Variants in NSD2 observed in about 807,000 individuals in gnomAD.
NSD2 encodes nuclear receptor binding SET domain protein 2, also known as histone-lysine N-methyltransferase NSD2.
A neutral mutation model predicts 139.0 loss-of-function variants in NSD2; 12 were observed. That is an observed-to-expected ratio of 0.09 (90% confidence interval 0.06 to 0.14). The LOEUF is 0.14. NSD2 is among the 10% of genes least tolerant of loss of function. The probability of loss-of-function intolerance (pLI) is 1.00; values close to 1 mark genes in which losing one functional copy is unlikely to be tolerated. For synonymous variants in NSD2, 669 were observed against 648.7 expected (o/e 1.03, Z -0.48); for missense variants, 1,155 against 1,745.0 (o/e 0.66, Z 6.02).
At chr4:1,930,264 G>A (rs1446458618) in intron 5 of NSD2, among the ~76,000 whole-genome samples, 1 of 152,230 alleles carries the variant, frequency 6.6e-6, no homozygotes, top group African/African-American at 2.4e-5. Flanking sequence ...TTCAGGGGCA[G>A]CGTTCCTGTG....
At chr4:1,928,697 C>G (rs1721254056) in intron 5 of NSD2, among the ~76,000 whole-genome samples, 1 of 151,854 alleles carries the variant, frequency 6.6e-6, no homozygotes, top group African/African-American at 2.4e-5. Context: ...AGCATTCATC[C>G]TAACTGGGGG....
intron 16 of NSD2, 96 bp from the exon 17 acceptor site, chr4:1,959,375 A>G: frequency 6.8e-7 from 1 of 1,472,490 alleles, no homozygotes; most frequent in Non-Finnish European, 9.3e-7. Flanking sequence ...CTAAAAGGCC[A>G]CCTGGAGGCT....
chr4:1,936,876 G>A (rs936934396), intron 7 of NSD2, among the ~76,000 whole-genome samples: 13 of 152,268 alleles, frequency 8.5e-5, no homozygotes, highest in East Asian at 1.9e-4. Context: ...GTAGTTGAGA[G>A]GAGCAGGCAG....
Position 1,961,124 on chromosome 4 carries a change from C to T in NSD2, c.3345C>T (p.Thr1115=), listed in dbSNP as rs1329357890. Residue 1115 remains threonine, a synonymous_variant, in exon 18 of 22, where the codon ACC becomes ACT. Transcript: ENST00000508803. ...RIKHAHENDI[T]HFYMLTIDKD... is the part of the protein sequence containing the mutation. ...AGCACGCACACGAGAACGACATCACCCACTTCTACATGCTCACTATAGACA... is the reference window on the plus strand; with the variant it reads ...AGCACGCACACGAGAACGACATCACTCACTTCTACATGCTCACTATAGACA... 6.2e-7 allele frequency: 1 copy of T among 1,613,342 alleles called. No individual in the cohort carries two copies. Among genetic ancestry groups the T allele is most frequent in the Admixed American group, 1.7e-5 (1 of 60,014 alleles).
At chr4:1,920,654 G>A (rs1719998149) in intron 5 of NSD2, among the ~76,000 whole-genome samples, 2 of 152,088 alleles carry the variant, frequency 1.3e-5, no homozygotes, top group South Asian at 4.2e-4. Flanking sequence ...AGGATTGCTT[G>A]AGCCCAGGAG....
Position 1,918,211 on chromosome 4 carries a change from C to G in NSD2, c.998C>G (p.Ala333Gly). 6.2e-7 allele frequency: 1 copy of G among 1,613,282 alleles called. No individual in the cohort carries two copies. Among genetic ancestry groups the G allele is most frequent in the Non-Finnish European group, 8.5e-7 (1 of 1,179,940 alleles). Reference sequence around the variant, plus strand: ...GGCATTGTTCAAGCAGAAGAAGCTGCAAGCATGTCAGTGGAGGAGCGGAAA... The same window carrying G: ...GGCATTGTTCAAGCAGAAGAAGCTGGAAGCATGTCAGTGGAGGAGCGGAAA... ...EMGIVQAEEA[A>G]SMSVEERKAK... Residue 333 changes from alanine to glycine, a missense_variant, in exon 5 of 22, where the codon GCA becomes GGA. Physicochemically the swap from Ala to Gly is moderately conservative, Grantham distance 60. Transcript: ENST00000508803.
chr4:1,959,778 T>C (rs776052213), intron 17 of NSD2, 38 bp downstream of exon 17: 3 of 1,599,328 alleles, frequency 1.9e-6, no homozygotes, highest in Non-Finnish European at 2.6e-6. Context: ...TTTGAGAAAT[T>C]ACGGTTCACT....
At chr4:1,941,015 G>A in intron 9 of NSD2, 1 of 1,058,154 alleles carries the variant, frequency 9.5e-7, no homozygotes, top group Non-Finnish European at 1.1e-6. Context: ...GATACGTGTA[G>A]ATAATTAAGC....
chr4:1,918,480 C>T lies in NSD2; in HGVS notation c.1267C>T (p.Pro423Ser), dbSNP rs775406978. 1.4e-5 allele frequency: 22 copies of T among 1,613,920 alleles called. No homozygotes were observed. The highest frequency in any genetic ancestry group is 1.6e-5 in the Non-Finnish European group (19 of 1,180,014). Residue 423 changes from proline to serine, a missense_variant, in exon 5 of 22, where the codon CCT becomes TCT. By Grantham distance (74) the Pro-to-Ser change is moderately conservative (BLOSUM62 -1). Around this residue, in one of 8 missense-constraint regions of NSD2, gnomAD observed 420 missense variants for 469.0 expected, o/e 0.90. Transcript: ENST00000508803. ...ESHPDIGKSTPQKTAEADPRR... is the reference protein window; with the variant it reads ...ESHPDIGKSTSQKTAEADPRR... The stretch of plus-strand genomic sequence containing the variant: ...TCACCCCGACATAGGGAAGAGTACT[C>T]CTCAAAAGACGGCAGAGGCTGACCC...
chr4:1,935,386 C>G, intron 7 of NSD2, 124 bp downstream of exon 7: 2 of 702,162 alleles, frequency 2.8e-6, no homozygotes, highest in Non-Finnish European at 4.9e-6. Flanking sequence ...TCCTTCCAGG[C>G]TGGTATTCAG....
chr4:1,958,074 G>T lies in NSD2; in HGVS notation c.2985+38G>T. On this transcript the variant is annotated intron_variant, in intron 16 of 21. Coordinates refer to ENST00000508803, the MANE Select transcript of NSD2 (RefSeq NM_001042424.3). This position sits in a 1 kb window ranked among gnomAD's most constrained non-coding sequence, Gnocchi z 4.6. ...AGCTGCGTGCACGCGTGTGGAGGGAGTCTTCCCCGAGGGCCGTGAGAGGTT... is the reference window on the plus strand; with the variant it reads ...AGCTGCGTGCACGCGTGTGGAGGGATTCTTCCCCGAGGGCCGTGAGAGGTT... 6.3e-7 allele frequency: 1 copy of T among 1,596,886 alleles called. No individual in the cohort carries two copies. Among genetic ancestry groups the T allele is most frequent in the Non-Finnish European group, 8.6e-7 (1 of 1,168,258 alleles).
At chr4:1,913,361 ACT>A (rs1350871173) in intron 3 of NSD2, among the ~76,000 whole-genome samples, 1 of 152,002 alleles carries the variant, frequency 6.6e-6, no homozygotes, top group Non-Finnish European at 1.5e-5. Flanking sequence ...GTTAGAGAAG[ACT>A]CTGCTCCACC....
At chr4:1,960,995 A>T in intron 17 of NSD2, 40 bp from the exon 18 acceptor site, 1 of 1,566,584 alleles carries the variant, frequency 6.4e-7, no homozygotes, top group Non-Finnish European at 8.8e-7. Flanking sequence ...AGGATTGGTC[A>T]GCACGCTTTT....
chr4:1,938,578 GC>G, intron 8 of NSD2, 46 bp downstream of exon 8: 3 of 1,482,126 alleles, frequency 2.0e-6, no homozygotes, highest in Non-Finnish European at 2.8e-6. Flanking sequence ...GGGTGCCCAG[GC>G]TGGGCTGGGT....
At chr4:1,889,994 C>T (rs1345835243) in intron 1 of NSD2, among the ~76,000 whole-genome samples, 1 of 152,216 alleles carries the variant, frequency 6.6e-6, no homozygotes, top group East Asian at 1.9e-4. Flanking sequence ...TTCCTATCCT[C>T]TCCTCTCCCA....
chr4:1,938,416 C>CTTTTT lies in NSD2; in HGVS notation c.1675-14_1675-10dup, dbSNP rs746279426. 200 of 325,730 alleles carry CTTTTT rather than the reference C, an allele frequency of 6.1e-4. 1 individual carries two copies. Among genetic ancestry groups the CTTTTT allele is most frequent in the African/African-American group, 1.7e-3 (33 of 19,536 alleles). The allele number at this position is 325,730 out of a possible 1,614,324, so 20.2% of individuals were successfully genotyped here. On this transcript the variant is annotated intron_variant, in intron 7 of 21. Coordinates refer to ENST00000508803, the MANE Select transcript of NSD2 (RefSeq NM_001042424.3). ...TTTTTCTTTTCTTTTTTTTTTCTTT[C>CTTTTT]TTTTTTTTTTTTTTTTTTTTTTTTT... is the stretch of plus-strand genomic sequence containing the variant.
At position 1,896,214 on chromosome 4, in the gene NSD2, C is replaced by T. The variant is rs146121526; in HGVS notation, c.-29-4412C>T. Among the ~76,000 whole-genome samples, 234 of 152,324 alleles carry T rather than the reference C, an allele frequency of 1.5e-3. 3 individuals carry two copies. The highest frequency in any genetic ancestry group is 5.1e-3 in the African/African-American group (212 of 41,590). ...CTCCTTCGGGCTCTGTGCAGGCAGC[C>T]CAGTCAGGCCCAAGCCCCTGTCCTG... is the stretch of plus-strand genomic sequence containing the variant. On this transcript the variant is annotated intron_variant, in intron 1 of 21. Coordinates refer to ENST00000508803, the MANE Select transcript of NSD2 (RefSeq NM_001042424.3).
chr4:1,901,473 G>C (rs748993491), intron 2 of NSD2, among the ~76,000 whole-genome samples: 5 of 152,214 alleles, frequency 3.3e-5, no homozygotes, highest in Non-Finnish European at 5.9e-5. Context: ...CCAGTTGAGA[G>C]GTCTAGAGAG....
chr4:1,902,399 A>T (rs1717305243), intron 2 of NSD2, among the ~76,000 whole-genome samples: 2 of 151,736 alleles, frequency 1.3e-5, no homozygotes, highest in African/African-American at 4.8e-5. Context: ...TTAATTTTTT[A>T]TTTTTTGTAG....
Sources: allele counts gnomAD v4.1 joint callset (sites outside exome capture counted in the v4.1 genomes callset), GRCh38; gene constraint gnomAD v4.1.1; regional missense constraint gnomAD v4.1.1; non-coding constraint Gnocchi (gnomAD v3.1); transcripts MANE v1.5; gene names NCBI Gene and HGNC (gene_info 2026-07-23, HGNC 2026-07-21).